Variants in STAT3 observed in about 807,000 individuals in gnomAD.
The protein encoded by STAT3 is DNA-binding protein APRF.
Under a neutral mutation model 114.3 loss-of-function variants are expected in STAT3, and 7 were observed. The observed-to-expected ratio is 0.06, with a 90% confidence interval of 0.03 to 0.11. The LOEUF (loss-of-function observed/expected upper bound fraction) is 0.11, where lower values mean the gene tolerates loss of function less well. STAT3 is among the 10% of genes least tolerant of loss of function. The pLI is 1.00. For missense variants in STAT3, 364 were observed against 960.9 expected (o/e 0.38, Z 8.21); for synonymous variants, 331 against 354.5 (o/e 0.93, Z 0.74).
chr17:42,371,797 C>T (rs919775505), intron 1 of STAT3, among the ~76,000 whole-genome samples: 15 of 151,522 alleles, frequency 9.9e-5, no homozygotes, highest in Admixed American at 9.2e-4. Flanking sequence ...GCCTGGGTAA[C>T]ACAGTGAAAC....
Position 42,324,195 on chromosome 17 carries a change from T to C in STAT3, c.1600+516A>G, listed in dbSNP as rs1047378071. Among the ~76,000 whole-genome samples the C allele has an allele frequency of 6.6e-6, 1 of 152,046 alleles. No homozygotes were observed. ...TTAGCTGGGCGTGGTGGTGAGCACC[T>C]GTAGTCTCAGCTACTCGGGAGGCCG... is the stretch of plus-strand genomic sequence containing the variant. On this transcript the variant is annotated intron_variant, in intron 17 of 23. Coordinates refer to ENST00000264657, the MANE Select transcript of STAT3 (RefSeq NM_139276.3). The surrounding 1 kb of genome is among the most constrained non-coding windows in gnomAD (Gnocchi z 4.5).
At position 42,314,671 on chromosome 17, in the gene STAT3, A is replaced by T. The variant is rs931614384; in HGVS notation, c.*1074T>A. The T allele has an allele frequency of 1.8e-5, 4 of 222,310 alleles. No homozygotes were observed. The highest frequency in any genetic ancestry group is 2.7e-5 in the Non-Finnish European group (3 of 110,972). 13.8% of individuals were successfully genotyped at this position (222,310 alleles called of 1,614,324 possible). A position where few individuals can be genotyped will look rare whatever the true frequency, so the allele number is the denominator to read the frequency against. ...TACAAAGGAAAATAAGTCTATTTAT[A>T]AAAAAAAGTCTAAAATGCTTAGATT... On this transcript the variant is annotated 3_prime_UTR_variant, in exon 24 of 24. Coordinates refer to ENST00000264657, the MANE Select transcript of STAT3 (RefSeq NM_139276.3).
At chr17:42,316,720 A>C in intron 23 of STAT3, 69 bp downstream of exon 23, 1 of 1,605,488 alleles carries the variant, frequency 6.2e-7, no homozygotes, top group Non-Finnish European at 8.5e-7. Flanking sequence ...CGGTGTGTAC[A>C]TGTGAGAGCA....
In STAT3 at chr17:42,315,758, G is replaced by GT; in HGVS notation, c.2299dup (p.Thr767AsnfsTer8). ...GTTCTCAGCTCCTCACATGGGGGAG[G>GT]TAGCGCACTCCGAGGTCAACTCCAT... is the stretch of plus-strand genomic sequence containing the variant. On this transcript the variant is annotated frameshift_variant, in exon 24 of 24. Coordinates refer to ENST00000264657, the MANE Select transcript of STAT3 (RefSeq NM_139276.3). LOFTEE classifies it high-confidence loss of function. 1 of 1,614,086 alleles carries GT rather than the reference G, an allele frequency of 6.2e-7. No individual in the cohort carries two copies. The highest frequency in any genetic ancestry group is 8.5e-7 in the Non-Finnish European group (1 of 1,180,002).
intron 1 of STAT3, among the ~76,000 whole-genome samples, chr17:42,380,710 G>C (rs1435966729): frequency 6.6e-6 from 1 of 152,098 alleles, no homozygotes; most frequent in African/African-American, 2.4e-5. Flanking sequence ...TTTTTAATAA[G>C]AGTAATTCAG....
At position 42,338,832 on chromosome 17, in the gene STAT3, A is replaced by G; in HGVS notation, c.469-20T>C. Reference sequence around the variant, plus strand: ...TAGATCCTGTTTAAAATAAGCAAACAAAAAAACAGAAGTAAAGAAAGATTT... The same window carrying G: ...TAGATCCTGTTTAAAATAAGCAAACGAAAAAACAGAAGTAAAGAAAGATTT... On this transcript the variant is annotated intron_variant, in intron 5 of 23. Transcript: ENST00000264657. 6.3e-7 allele frequency: 1 copy of G among 1,581,610 alleles called. No individual in the cohort carries two copies. Among genetic ancestry groups the G allele is most frequent in the East Asian group, 2.2e-5 (1 of 44,738 alleles).
At chr17:42,327,128 T>C (rs2081762950) in intron 14 of STAT3, among the ~76,000 whole-genome samples, 1 of 152,200 alleles carries the variant, frequency 6.6e-6, no homozygotes, top group South Asian at 2.1e-4. Flanking sequence ...CAAAACAATA[T>C]GAACCCACCA....
In STAT3 at chr17:42,337,217, A is replaced by G. The variant is rs2082265819; in HGVS notation, c.797+218T>C. ...GGCTGGTCTCAAACTCCTGACCTCAAGTGATCCGCCCATCTTGGTCTCCCA... is the reference window on the plus strand; with the variant it reads ...GGCTGGTCTCAAACTCCTGACCTCAGGTGATCCGCCCATCTTGGTCTCCCA... On this transcript the variant is annotated intron_variant, in intron 8 of 23. Transcript: ENST00000264657. This position sits in a 1 kb window ranked among gnomAD's most constrained non-coding sequence, Gnocchi z 4.0. Among the ~76,000 whole-genome samples, 1 of 152,124 alleles carries G rather than the reference A, an allele frequency of 6.6e-6. No homozygotes were observed. The highest frequency in any genetic ancestry group is 2.4e-5 in the African/African-American group (1 of 41,416).
In STAT3 at chr17:42,315,369, G is replaced by A; in HGVS notation, c.*376C>T. On this transcript the variant is annotated 3_prime_UTR_variant, in exon 24 of 24. Transcript: ENST00000264657. ...AGAAACAGGCAGAAGGATGCCGCAG[G>A]CACCAGGAGGCACTTGTCTAAGAAC... 2.3e-6 allele frequency: 1 copy of A among 433,000 alleles called. No homozygotes were observed. Among genetic ancestry groups the A allele is most frequent in the Non-Finnish European group, 4.3e-6 (1 of 234,494 alleles). The allele number at this position is 433,000 out of a possible 1,614,324, so 26.8% of individuals were successfully genotyped here. A position where few individuals can be genotyped will look rare whatever the true frequency, so the allele number is the denominator to read the frequency against.
intron 1 of STAT3, among the ~76,000 whole-genome samples, chr17:42,371,240 G>C (rs1474033039): frequency 6.6e-6 from 1 of 152,098 alleles, no homozygotes; most frequent in Admixed American, 6.6e-5. Context: ...TTTTGGGCAA[G>C]TAGACAGGAG....
At chr17:42,321,287 T>C (rs1567706517) in intron 21 of STAT3, among the ~76,000 whole-genome samples, 1 of 151,546 alleles carries the variant, frequency 6.6e-6, no homozygotes, top group Non-Finnish European at 1.5e-5. Flanking sequence ...ACGTGGCTAA[T>C]TTAAAAAAAA....
At chr17:42,375,486 ACTCTTCGCT>A (rs1351596363) in intron 1 of STAT3, among the ~76,000 whole-genome samples, 1 of 151,786 alleles carries the variant, frequency 6.6e-6, no homozygotes, top group Non-Finnish European at 1.5e-5. Context: ...CCTTTCTCAA[ACTCTTCGCT>A]CTCATGGCCC....
intron 21 of STAT3, among the ~76,000 whole-genome samples, chr17:42,317,836 G>T (rs908378674): frequency 2.6e-5 from 4 of 152,200 alleles, no homozygotes; most frequent in Non-Finnish European, 4.4e-5. Context: ...GCACCAAAGA[G>T]AATGTGACTT....
chr17:42,345,136 A>G (rs891095010), intron 4 of STAT3, among the ~76,000 whole-genome samples: 1 of 151,904 alleles, frequency 6.6e-6, no homozygotes, highest in Non-Finnish European at 1.5e-5. Flanking sequence ...GTGGTGGCAC[A>G]CGCCTATAAT....
At chr17:42,342,963 A>C (rs1184978101) in intron 4 of STAT3, among the ~76,000 whole-genome samples, 1 of 151,424 alleles carries the variant, frequency 6.6e-6, no homozygotes, top group African/African-American at 2.4e-5. Flanking sequence ...CCAGGAGTTC[A>C]ACACCAGCCT....
intron 1 of STAT3, among the ~76,000 whole-genome samples, chr17:42,382,803 C>T (rs1412931312): frequency 2.0e-5 from 3 of 151,950 alleles, no homozygotes; most frequent in Non-Finnish European, 4.4e-5. Flanking sequence ...TCTGCCACCA[C>T]GCTGGGCTAA....
intron 1 of STAT3, among the ~76,000 whole-genome samples, chr17:42,373,253 G>A (rs758643426): frequency 2.0e-5 from 3 of 152,180 alleles, no homozygotes; most frequent in Non-Finnish European, 4.4e-5. Context: ...GGGAGGCTGA[G>A]GCAGGAGAAT....
intron 1 of STAT3, 28 bp downstream of exon 1, chr17:42,388,251 C>T: frequency 3.2e-6 from 4 of 1,231,882 alleles, no homozygotes; most frequent in Non-Finnish European, 4.0e-6. Flanking sequence ...CAGGCCTCCC[C>T]AACGGCCCCA....
chr17:42,384,034 C>CATCAGGCA (rs1340419862), intron 1 of STAT3, among the ~76,000 whole-genome samples: 1 of 152,198 alleles, frequency 6.6e-6, no homozygotes, highest in African/African-American at 2.4e-5. Flanking sequence ...AATTAACCAG[C>CATCAGGCA]ATCAGGCAAT....
Sources: allele counts gnomAD v4.1 joint callset (sites outside exome capture counted in the v4.1 genomes callset), GRCh38; gene constraint gnomAD v4.1.1; non-coding constraint Gnocchi (gnomAD v3.1); transcripts MANE v1.5; gene names NCBI Gene and HGNC (gene_info 2026-07-23, HGNC 2026-07-21).